The following PI15 variants were observed in gnomAD, a reference collection of about 807,000 sequenced individuals.
PI15 encodes the protein peptidase inhibitor 15.
A neutral mutation model predicts 31.0 loss-of-function variants in PI15; 18 were observed. The ratio of observed to expected loss-of-function variants is 0.58; its 90% CI spans 0.40 to 0.86. PI15 has a LOEUF of 0.86. Among genes scored for constraint, PI15 ranks in the 40% least tolerant of loss-of-function variants. The pLI is 0.00. For missense variants in PI15, 282 were observed against 328.1 expected (o/e 0.86, Z 1.09); for synonymous variants, 118 against 119.1 (o/e 0.99, Z 0.06).
Position 74,838,144 on chromosome 8 carries a change from G to A in PI15, c.274-5837G>A, listed in dbSNP as rs143119726. 1.3e-4 allele frequency among the ~76,000 whole-genome samples: 20 copies of A among 151,302 alleles called. No homozygotes were observed. In the South Asian group the frequency reaches 2.5e-3, roughly 19 times the overall value. ...TATTGATAATAATACTTTCCATATA[G>A]TTAAATAAGTTATATAATTCTAAGA... On this transcript the variant is annotated intron_variant, in intron 2 of 5. Coordinates refer to ENST00000260113, the MANE Select transcript of PI15 (RefSeq NM_015886.5).
chr8:74,837,865 T>C (rs527929281), intron 2 of PI15, among the ~76,000 whole-genome samples: 1 of 152,296 alleles, frequency 6.6e-6, no homozygotes, highest in East Asian at 1.9e-4. Context: ...GATATTTTTA[T>C]TTTTAGCATT....
rs558516716 is a variant in PI15, at chr8:74,844,656, A to G, written c.393-472A>G. Among the ~76,000 whole-genome samples the G allele has an allele frequency of 2.0e-5, 3 of 152,250 alleles. No homozygotes were observed. In the South Asian group the frequency reaches 6.2e-4, roughly 32 times the overall value. On this transcript the variant is annotated intron_variant, in intron 3 of 5. Transcript: ENST00000260113. Reference sequence around the variant, plus strand: ...TGCCACTGTGCAAAGTCGTTATCCAACACTCCAAATACCCATCTCCCCCAA... The same window carrying G: ...TGCCACTGTGCAAAGTCGTTATCCAGCACTCCAAATACCCATCTCCCCCAA...
chr8:74,841,182 A>G (rs1810940252), intron 2 of PI15, among the ~76,000 whole-genome samples: 1 of 152,212 alleles, frequency 6.6e-6, no homozygotes, highest in Non-Finnish European at 1.5e-5. Flanking sequence ...AGAGAGTGAG[A>G]TAAGGAAAAA....
chr8:74,829,001 C>T (rs921111048), intron 2 of PI15, among the ~76,000 whole-genome samples: 2 of 151,992 alleles, frequency 1.3e-5, no homozygotes, highest in Non-Finnish European at 2.9e-5. Flanking sequence ...ATGTCTTGCT[C>T]TCATGAAGTG....
chr8:74,832,391 T>G (rs1013281230), intron 2 of PI15, among the ~76,000 whole-genome samples: 7 of 152,116 alleles, frequency 4.6e-5, no homozygotes, highest in African/African-American at 1.7e-4. Flanking sequence ...CAAAGAATTT[T>G]GGATGGGTAT....
At position 74,828,162 on chromosome 8, in the gene PI15, G is replaced by A. The variant is rs920670706; in HGVS notation, c.273+2640G>A. Among the ~76,000 whole-genome samples, 7 of 152,090 alleles carry A rather than the reference G, an allele frequency of 4.6e-5. No individual in the cohort carries two copies. The East Asian group carries it at 9.6e-4, about 21-fold the overall frequency. On this transcript the variant is annotated intron_variant, in intron 2 of 5. Transcript: ENST00000260113. ...AATAAATAAGTTACACAGGATGTAA[G>A]ATGATAAGGTTATGAAGAAAAACAA...
chr8:74,842,601 A>T (rs1334902696), intron 2 of PI15, among the ~76,000 whole-genome samples: 1 of 152,110 alleles, frequency 6.6e-6, no homozygotes, highest in Non-Finnish European at 1.5e-5. Flanking sequence ...GTACCTTATG[A>T]CTTGCTAGAA....
chr8:74,825,297 C>T lies in PI15; in HGVS notation c.48C>T (p.Leu16=). The T allele has an allele frequency of 1.9e-6, 3 of 1,613,450 alleles. No homozygotes were observed. Among genetic ancestry groups the T allele is most frequent in the East Asian group, 2.2e-5 (1 of 44,856 alleles). Residue 16 remains leucine (L), a synonymous_variant, in exon 2 of 6, where the codon CTC becomes CTT. Coordinates refer to ENST00000260113, the MANE Select transcript of PI15 (RefSeq NM_015886.5). ...AVSSALLFSL[L]CEASTVVLLN... is the part of the protein sequence containing the mutation. ...GCAGTGCACTCCTGTTCTCCCTTCTCTGTGAAGCAAGTACCGTCGTCCTAC... is the reference window on the plus strand; with the variant it reads ...GCAGTGCACTCCTGTTCTCCCTTCTTTGTGAAGCAAGTACCGTCGTCCTAC...
chr8:74,848,455 C>A (rs900917087), intron 5 of PI15, among the ~76,000 whole-genome samples: 2 of 151,406 alleles, frequency 1.3e-5, no homozygotes, highest in Admixed American at 1.3e-4. Context: ...TATTTTTAAG[C>A]CTCCCAGAAA....
At chr8:74,826,373 GT>G (rs113119258) in intron 2 of PI15, 16 of 592,240 alleles carry the variant, frequency 2.7e-5, no homozygotes, top group African/African-American at 2.6e-4. Context: ...AGGGGAGGGG[GT>G]ACCACTAACA....
In PI15 at chr8:74,849,524, C is replaced by G. The variant is rs545364199; in HGVS notation, c.*271C>G. On this transcript the variant is annotated 3_prime_UTR_variant, in exon 6 of 6. Transcript: ENST00000260113. ...ATAGTTGATGCATCCAATCCTAAAA[C>G]TTACATTCCAAAGGAATTATATCAT... 6.8e-4 allele frequency: 205 copies of G among 300,572 alleles called. 2 individuals are homozygous for G. The highest frequency in any genetic ancestry group is 1.3e-3 in the Admixed American group (27 of 20,790). 18.6% of individuals were successfully genotyped at this position (300,572 alleles called of 1,614,324 possible).
chr8:74,848,732 T>G (rs2916168), intron 5 of PI15, among the ~76,000 whole-genome samples: 65,433 of 136,058 alleles, frequency 0.48, 15,876 homozygotes, highest in East Asian at 0.64. Flanking sequence ...TATATATATA[T>G]AGAGAGAGAG....
chr8:74,829,138 A>G (rs1273187411), intron 2 of PI15, among the ~76,000 whole-genome samples: 1 of 152,082 alleles, frequency 6.6e-6, no homozygotes, highest in Non-Finnish European at 1.5e-5. Flanking sequence ...GTGATCAACC[A>G]TTATTTGTTG....
intron 2 of PI15, among the ~76,000 whole-genome samples, chr8:74,829,390 C>T (rs1810747059): frequency 6.6e-6 from 1 of 152,034 alleles, no homozygotes; most frequent in South Asian, 2.1e-4. Context: ...TCCAGAGCTT[C>T]TTGCACACCA....
chr8:74,837,371 C>T (rs1467684404), intron 2 of PI15, among the ~76,000 whole-genome samples: 2 of 152,126 alleles, frequency 1.3e-5, no homozygotes, highest in East Asian at 3.9e-4. Flanking sequence ...CCCACCCTCC[C>T]CTTCCCTGGC....
At position 74,843,789 on chromosome 8, in the gene PI15, G is replaced by A. The variant is rs768678028; in HGVS notation, c.274-192G>A. ...TGAGACAGGAGAATTGCTTGACCCC[G>A]GGGAGGCAGAGGTTTCAGTGATCCA... On this transcript the variant is annotated intron_variant, in intron 2 of 5. Coordinates refer to ENST00000260113, the MANE Select transcript of PI15 (RefSeq NM_015886.5). Among the ~76,000 whole-genome samples, 12 of 152,012 alleles carry A rather than the reference G, an allele frequency of 7.9e-5. 1 individual carries two copies. The highest frequency in any genetic ancestry group is 1.9e-4 in the East Asian group (1 of 5,192).
At chr8:74,848,483 T>A (rs1403188496) in intron 5 of PI15, among the ~76,000 whole-genome samples, 1 of 151,748 alleles carries the variant, frequency 6.6e-6, no homozygotes, top group African/African-American at 2.4e-5. Context: ...TTTGTTTTTT[T>A]AATCATCCTC....
chr8:74,844,305 C>T lies in PI15; in HGVS notation c.392+206C>T, dbSNP rs370635853. Among the ~76,000 whole-genome samples the T allele has an allele frequency of 9.6e-4, 146 of 152,158 alleles. 1 individual carries two copies. In the South Asian group the frequency reaches 0.03, roughly 31 times the overall value. The stretch of plus-strand genomic sequence containing the variant: ...CTAAAGGGCCAGTTCCCCTTTTCAC[C>T]CTTGGAACACCTTCCCTTAGCCTGG... On this transcript the variant is annotated intron_variant, in intron 3 of 5. Transcript: ENST00000260113.
At chr8:74,849,054 G>A in intron 5 of PI15, 64 bp from the exon 6 acceptor site, 2 of 1,455,758 alleles carry the variant, frequency 1.4e-6, no homozygotes, top group Non-Finnish European at 1.9e-6. Context: ...ATGGCTTAAG[G>A]ACAATCTACT....
Sources: allele counts gnomAD v4.1 joint callset (sites outside exome capture counted in the v4.1 genomes callset), GRCh38; gene constraint gnomAD v4.1.1; transcripts MANE v1.5; gene names NCBI Gene and HGNC (gene_info 2026-07-23, HGNC 2026-07-21).